EFNA2: variants seen among roughly 807,000 people sequenced by gnomAD.
EFNA2 encodes the protein ephrin A2, also known as ephrin-A2.
EFNA2 carries 18 observed loss-of-function variants against 19.7 expected under a neutral mutation model. That is an observed-to-expected ratio of 0.91 (90% CI 0.63 to 1.35). The LOEUF (loss-of-function observed/expected upper bound fraction) is 1.35, where lower values mean the gene tolerates loss of function less well. Among genes scored for constraint, EFNA2 ranks in the 40% most tolerant of loss-of-function variants. The pLI is 0.00. For missense variants in EFNA2, 303 were observed against 296.0 expected (o/e 1.02, Z -0.17); for synonymous variants, 187 against 137.8 (o/e 1.36, Z -2.50).
In EFNA2 at chr19:1,297,181, C is replaced by T. The variant is rs1188062705; in HGVS notation, c.454+1323C>T. ...GCCTGAGGGATGGGGAGTCAGGGAT[C>T]TGGGGTCTGTGCCCCCAGGCTGCAG... On this transcript the variant is annotated intron_variant, in intron 2 of 3. Transcript: ENST00000215368. The surrounding 1 kb of genome is among the most constrained non-coding windows in gnomAD (Gnocchi z 5.0). Among the ~76,000 whole-genome samples the T allele has an allele frequency of 4.6e-5, 7 of 152,116 alleles. No individual in the cohort carries two copies. The highest frequency in any genetic ancestry group is 7.4e-5 in the Non-Finnish European group (5 of 67,998).
intron 1 of EFNA2, among the ~76,000 whole-genome samples, chr19:1,290,749 C>G (rs1267800152): frequency 6.6e-6 from 1 of 152,192 alleles, no homozygotes; most frequent in East Asian, 1.9e-4. Flanking sequence ...GGCTTTGTAC[C>G]TTGCTGGGGG....
At position 1,300,816 on chromosome 19, in the gene EFNA2, G is replaced by A. The variant is rs545055523; in HGVS notation, c.*871G>A. ...AAACAGCCCCCTACCCGTCCCCCTCGCCTCACACGGTCCCTCTCCGAGGCC... is the reference window on the plus strand; with the variant it reads ...AAACAGCCCCCTACCCGTCCCCCTCACCTCACACGGTCCCTCTCCGAGGCC... On this transcript the variant is annotated 3_prime_UTR_variant, in exon 4 of 4. Transcript: ENST00000215368. Among the ~76,000 whole-genome samples, 2 of 152,002 alleles carry A rather than the reference G, an allele frequency of 1.3e-5. No individual in the cohort carries two copies. The highest frequency in any genetic ancestry group is 6.5e-5 in the Admixed American group (1 of 15,270).
rs908137757 is a variant in EFNA2, at chr19:1,294,412, G to C, written c.141-1133G>C. ...GGGCTCCCTGGAGGAAGGGGCCTGT[G>C]GGTTGCGTCTGGGGGACCTCAGGGC... is the stretch of plus-strand genomic sequence containing the variant. On this transcript the variant is annotated intron_variant, in intron 1 of 3. Transcript: ENST00000215368. This position sits in a 1 kb window ranked among gnomAD's most constrained non-coding sequence, Gnocchi z 5.8. Among the ~76,000 whole-genome samples the C allele has an allele frequency of 1.3e-5, 2 of 152,170 alleles. No homozygotes were observed. Among genetic ancestry groups the C allele is most frequent in the African/African-American group, 4.8e-5 (2 of 41,434 alleles).
At position 1,300,151 on chromosome 19, in the gene EFNA2, C is replaced by A. The variant is rs977161172; in HGVS notation, c.*206C>A. The stretch of plus-strand genomic sequence containing the variant: ...GGAGGGGAAACGGCCGAGAGCCCCC[C>A]CCCGGAGGCCCGAGGGGCCGGGGTG... On this transcript the variant is annotated 3_prime_UTR_variant, in exon 4 of 4. Transcript: ENST00000215368. 1.7e-5 allele frequency: 11 copies of A among 649,778 alleles called. No individual in the cohort carries two copies. The highest frequency in any genetic ancestry group is 6.8e-5 in the East Asian group (2 of 29,376). The allele number at this position is 649,778 out of a possible 1,614,324, so 40.3% of individuals were successfully genotyped here. A position where few individuals can be genotyped will look rare whatever the true frequency, so the allele number is the denominator to read the frequency against.
At chr19:1,292,057 C>T (rs543030910) in intron 1 of EFNA2, among the ~76,000 whole-genome samples, 2 of 152,360 alleles carry the variant, frequency 1.3e-5, no homozygotes, top group East Asian at 3.9e-4. Context: ...AGTCTCTCTG[C>T]CGCTCCGGGG....
chr19:1,300,531 C>T lies in EFNA2; in HGVS notation c.*586C>T, dbSNP rs1268995329. ...GCTCTGCACCCCACTCGTGGGGGAA[C>T]ACAGCCGCTCCCCTCTGCTCTGCAC... On this transcript the variant is annotated 3_prime_UTR_variant, in exon 4 of 4. Coordinates refer to ENST00000215368, the MANE Select transcript of EFNA2 (RefSeq NM_001405.4). Among the ~76,000 whole-genome samples the T allele has an allele frequency of 6.6e-6, 1 of 151,668 alleles. No individual in the cohort carries two copies. Among genetic ancestry groups the T allele is most frequent in the Non-Finnish European group, 1.5e-5 (1 of 67,834 alleles).
intron 1 of EFNA2, among the ~76,000 whole-genome samples, chr19:1,291,130 G>C (rs751383964): frequency 6.6e-6 from 1 of 152,196 alleles, no homozygotes; most frequent in Admixed American, 6.5e-5. Flanking sequence ...GGGCCGGCCC[G>C]GGGGAAGCCA....
In EFNA2 at chr19:1,287,013, G is replaced by T. The variant is rs552896135; in HGVS notation, c.140+705G>T. On this transcript the variant is annotated intron_variant, in intron 1 of 3. Transcript: ENST00000215368. This position sits in a 1 kb window ranked among gnomAD's most constrained non-coding sequence, Gnocchi z 6.2. ...CTGGCTCAAGGTCATGCAAGGGGGG[G>T]ACTTGGGGGCAGGACCCAGGTGGCC... 6.6e-6 allele frequency among the ~76,000 whole-genome samples: 1 copy of T among 152,196 alleles called. No homozygotes were observed. The highest frequency in any genetic ancestry group is 1.5e-5 in the Non-Finnish European group (1 of 68,024).
rs34167171 is a variant in EFNA2 at position 1,301,114 on chromosome 19, CAAAA to C, written c.*1179_*1182del. 1.4e-5 allele frequency among the ~76,000 whole-genome samples: 2 copies of C among 142,990 alleles called. No homozygotes were observed. The highest frequency in any genetic ancestry group is 2.6e-5 in the African/African-American group (1 of 39,006). 93.8% of individuals were successfully genotyped at this position (142,990 alleles called of 152,430 possible). A position where few individuals can be genotyped will look rare whatever the true frequency, so the allele number is the denominator to read the frequency against. Reference sequence around the variant, plus strand: ...AGGACAAAAGGGAGGGAACCACTACCAAAAAAAAAAAAAGAAACTCCTCCCCGAA... The same window carrying C: ...AGGACAAAAGGGAGGGAACCACTACCAAAAAAAAAGAAACTCCTCCCCGAA... On this transcript the variant is annotated 3_prime_UTR_variant, in exon 4 of 4. Transcript: ENST00000215368.
At chr19:1,299,157 G>A (rs1157324527) in intron 3 of EFNA2, among the ~76,000 whole-genome samples, 1 of 152,200 alleles carries the variant, frequency 6.6e-6, no homozygotes, top group African/African-American at 2.4e-5. Flanking sequence ...AGAATCACTT[G>A]AACCCGGGAA....
At chr19:1,292,827 G>A (rs1000098646) in intron 1 of EFNA2, among the ~76,000 whole-genome samples, 1 of 152,180 alleles carries the variant, frequency 6.6e-6, no homozygotes, top group Non-Finnish European at 1.5e-5. Context: ...GACCCTCACC[G>A]CAGCCTGGAG....
intron 1 of EFNA2, among the ~76,000 whole-genome samples, chr19:1,293,428 C>G (rs1171716927): frequency 1.3e-5 from 2 of 152,196 alleles, no homozygotes; most frequent in Non-Finnish European, 2.9e-5. Flanking sequence ...TGGGGGCTGC[C>G]CCCGTGTCTG....
rs1021730772 is a variant in EFNA2, at chr19:1,294,991, C to T, written c.141-554C>T. Among the ~76,000 whole-genome samples, 4 of 152,102 alleles carry T rather than the reference C, an allele frequency of 2.6e-5. No homozygotes were observed. The highest frequency in any genetic ancestry group is 9.7e-5 in the African/African-American group (4 of 41,416). On this transcript the variant is annotated intron_variant, in intron 1 of 3. Coordinates refer to ENST00000215368, the MANE Select transcript of EFNA2 (RefSeq NM_001405.4). This position sits in a 1 kb window ranked among gnomAD's most constrained non-coding sequence, Gnocchi z 5.8. Reference sequence around the variant, plus strand: ...AGGCCCGGAGTCAGGAACCCCCCGCCGGCCCTTTGCACACAGGGGTCCAGA... The same window carrying T: ...AGGCCCGGAGTCAGGAACCCCCCGCTGGCCCTTTGCACACAGGGGTCCAGA...
At chr19:1,285,766 G>T (rs2081460369), upstream of EFNA2, among the ~76,000 whole-genome samples, 1 of 150,060 alleles carries the variant, frequency 6.7e-6, no homozygotes, top group Admixed American at 6.6e-5. The surrounding 1 kb of genome is among the most constrained non-coding windows in gnomAD (Gnocchi z 4.1). Flanking sequence ...GTGGGCCGGG[G>T]CAGGGGGCGG....
intron 1 of EFNA2, among the ~76,000 whole-genome samples, chr19:1,288,612 G>A (rs1468545161): frequency 6.6e-6 from 1 of 152,152 alleles, no homozygotes; most frequent in East Asian, 1.9e-4. Context: ...GGCCCGGGCA[G>A]TGCCGCAGCG....
At position 1,288,147 on chromosome 19, in the gene EFNA2, T is replaced by A. The variant is rs1353921352; in HGVS notation, c.140+1839T>A. Among the ~76,000 whole-genome samples the A allele has an allele frequency of 2.6e-5, 4 of 152,360 alleles. No homozygotes were observed. The East Asian group carries it at 7.7e-4, about 29-fold the overall frequency. On this transcript the variant is annotated intron_variant, in intron 1 of 3. Coordinates refer to ENST00000215368, the MANE Select transcript of EFNA2 (RefSeq NM_001405.4). ...CCTCTCCTGCCTGCGGTATCCAGGGTTGCTGGGGACGGAGCCGACACCCTG... is the reference window on the plus strand; with the variant it reads ...CCTCTCCTGCCTGCGGTATCCAGGGATGCTGGGGACGGAGCCGACACCCTG...
In EFNA2 at chr19:1,286,184, C is replaced by T. The variant is rs1600052904; in HGVS notation, c.16C>T (p.Arg6Cys). The change falls in exon 1 of 4, where the codon CGC becomes TGC. Residue 6 changes from arginine (R) to cysteine (C), a missense_variant. Physicochemically the swap from Arg to Cys is radical, Grantham distance 180. Coordinates refer to ENST00000215368, the MANE Select transcript of EFNA2 (RefSeq NM_001405.4). The surrounding 1 kb of genome is among the most constrained non-coding windows in gnomAD (Gnocchi z 5.6). The part of the protein sequence containing the change: MAPAQ[R>C]PLLPLLLLLL... ...GACCGGGGCCATGGCGCCCGCGCAG[C>T]GCCCGCTGCTCCCGCTGCTGCTCCT... 2.9e-6 allele frequency: 3 copies of T among 1,023,718 alleles called. No homozygotes were observed. Among genetic ancestry groups the T allele is most frequent in the South Asian group, 3.4e-5 (1 of 29,202 alleles). The allele number at this position is 1,023,718 out of a possible 1,614,324, so 63.4% of individuals were successfully genotyped here.
chr19:1,293,768 T>A (rs936919879), intron 1 of EFNA2, among the ~76,000 whole-genome samples: 1 of 152,196 alleles, frequency 6.6e-6, no homozygotes, highest in Non-Finnish European at 1.5e-5. Context: ...CCGCCCTGCC[T>A]TGAAATTCTT....
At position 1,298,558 on chromosome 19, in the gene EFNA2, G is replaced by A. The variant is rs759026098; in HGVS notation, c.462G>A (p.Thr154=). ...CCATCCCCTCTCTTCTAGCTGCCAC[G>A]CCTCCCAATGCTGTGGACCGGCCCT... ...PGHEYYYISA[T]PPNAVDRPCL... Residue 154 remains threonine, a synonymous_variant, in exon 3 of 4, where the codon ACG becomes ACA. Coordinates refer to ENST00000215368, the MANE Select transcript of EFNA2 (RefSeq NM_001405.4). The A allele has an allele frequency of 1.4e-5, 23 of 1,613,932 alleles. No individual in the cohort carries two copies. The highest frequency in any genetic ancestry group is 1.9e-5 in the Non-Finnish European group (22 of 1,179,952).
Sources: gnomAD v4.1 joint callset for allele counts (sites outside exome capture counted in the v4.1 genomes callset) on GRCh38, gnomAD v4.1.1 for gene constraint, Gnocchi (gnomAD v3.1) non-coding constraint, MANE v1.5 for transcripts, NCBI Gene and HGNC (gene_info 2026-07-23, HGNC 2026-07-21) for gene names.